The following MYO18B variants were observed in gnomAD, a reference collection of about 807,000 sequenced individuals.
MYO18B encodes unconventional myosin-XVIIIb.
In MYO18B, 204 loss-of-function variants were observed where a neutral mutation model predicts 273.0. The observed-to-expected ratio is 0.75, with a 90% CI of 0.67 to 0.84. The LOEUF is 0.84. Ranked by LOEUF, MYO18B falls within the 40% of genes least tolerant of loss-of-function variation. MYO18B has a pLI of 0.00. For missense variants in MYO18B, 3,212 were observed against 3,287.6 expected, an observed-to-expected ratio of 0.98 and a Z score of 0.56; for synonymous variants, 1,330 against 1,305.7, an observed-to-expected ratio of 1.02 and a Z score of -0.40.
chr22:25,886,296 A>G (rs963892360), intron 25 of MYO18B, among the ~76,000 whole-genome samples: 2 of 152,234 alleles, frequency 1.3e-5, no homozygotes, highest in African/African-American at 4.8e-5. Context: ...CTGGTGTCCA[A>G]CAGGCATCTC....
At chr22:26,056,644 C>T in the MYO18B span, among the ~76,000 whole-genome samples, 3 of 152,204 alleles carry the variant, frequency 2.0e-5, no homozygotes, top group Non-Finnish European at 4.4e-5. Flanking sequence ...CTGCCAACAA[C>T]AACATCCACT....
Position 25,921,259 on chromosome 22 carries a change from T to A in MYO18B, c.5367T>A (p.Ile1789=). 1 of 1,550,764 alleles carries A rather than the reference T, an allele frequency of 6.4e-7. No individual in the cohort carries two copies. Among genetic ancestry groups the A allele is most frequent in the Non-Finnish European group, 8.7e-7 (1 of 1,145,890 alleles). ...EGLIGTLCDQ[I]GHRDFDVEKR... is the part of the protein sequence containing the mutation. ...ATGGGTCTCCCTTTGGCTTTCAGAT[T>A]GGCCATCGGGACTTTGATGTGGAGA... is the stretch of plus-strand genomic sequence containing the variant. The change falls in exon 34 of 44, where the codon ATT becomes ATA. Residue 1789 remains isoleucine, a splice_region_variant and synonymous_variant. Coordinates refer to ENST00000335473, the MANE Select transcript of MYO18B (RefSeq NM_032608.7).
At chr22:25,907,762 C>T (rs11914063) in intron 31 of MYO18B, among the ~76,000 whole-genome samples, 5,422 of 152,098 alleles carry the variant, frequency 0.036, 335 homozygotes, top group African/African-American at 0.12. Flanking sequence ...GGGCCGGGCC[C>T]GGTGGCTCAC....
intron 39 of MYO18B, among the ~76,000 whole-genome samples, chr22:25,989,040 G>A (rs73883007): frequency 0.038 from 5,740 of 152,224 alleles, 376 homozygotes; most frequent in African/African-American, 0.13. Flanking sequence ...GAGACACTGT[G>A]CCTCTTTCTG....
intron 39 of MYO18B, among the ~76,000 whole-genome samples, chr22:25,985,614 T>C (rs2093193448): frequency 6.6e-6 from 1 of 152,046 alleles, no homozygotes; most frequent in African/African-American, 2.4e-5. Flanking sequence ...TGGAACACAA[T>C]TCACAGGGCG....
At chr22:25,744,664 G>A (rs952197777) in intron 1 of MYO18B, among the ~76,000 whole-genome samples, 1 of 152,172 alleles carries the variant, frequency 6.6e-6, no homozygotes, top group Admixed American at 6.5e-5. Context: ...AACCTGGGAG[G>A]TGGAGCTTGC....
chr22:25,808,505 C>T (rs1027957746), intron 12 of MYO18B, among the ~76,000 whole-genome samples: 11 of 152,172 alleles, frequency 7.2e-5, no homozygotes, highest in African/African-American at 2.7e-4. Flanking sequence ...TTGCTCTTCT[C>T]CACTACAAGG....
At chr22:25,995,805 C>G (rs1443714238) in intron 40 of MYO18B, among the ~76,000 whole-genome samples, 1 of 152,200 alleles carries the variant, frequency 6.6e-6, no homozygotes, top group Non-Finnish European at 1.5e-5. Context: ...TGAATTCTTT[C>G]TTTCTCACTT....
At chr22:26,021,267 G>GAAGC (rs1405891059) in intron 42 of MYO18B, among the ~76,000 whole-genome samples, 3 of 152,100 alleles carry the variant, frequency 2.0e-5, no homozygotes, top group Non-Finnish European at 2.9e-5. Context: ...TCTATAACTT[G>GAAGC]AAGCAACCCA....
chr22:25,760,913 G>A (rs954568613), intron 1 of MYO18B, 71 bp from the exon 2 acceptor site: 3 of 664,718 alleles, frequency 4.5e-6, no homozygotes, highest in Non-Finnish European at 5.3e-6. Context: ...GTTGGTGGGG[G>A]TGGGAGTAGG....
intron 39 of MYO18B, among the ~76,000 whole-genome samples, chr22:25,957,540 C>T (rs950198631): frequency 6.6e-6 from 1 of 152,192 alleles, no homozygotes; most frequent in Non-Finnish European, 1.5e-5. Flanking sequence ...AAGGAGTGTT[C>T]GTTTCCTAGG....
At chr22:25,760,411 CAAAAAAAAA>C (rs60732274) in intron 1 of MYO18B, among the ~76,000 whole-genome samples, 1 of 61,104 alleles carries the variant, frequency 1.6e-5, no homozygotes, top group Non-Finnish European at 2.8e-5. Context: ...GACTCCATCT[CAAAAAAAAA>C]AAAAAAAAAA....
intron 25 of MYO18B, among the ~76,000 whole-genome samples, chr22:25,887,541 T>C (rs2091537437): frequency 6.6e-6 from 1 of 152,204 alleles, no homozygotes; most frequent in Non-Finnish European, 1.5e-5. Context: ...GTTTTCAAGA[T>C]AATTTCTGGT....
intron 21 of MYO18B, among the ~76,000 whole-genome samples, chr22:25,861,796 T>C (rs2090745651): frequency 1.3e-5 from 2 of 152,200 alleles, no homozygotes; most frequent in Admixed American, 1.3e-4. Context: ...TTCTACGGTT[T>C]ACAATATGTA....
Position 25,910,946 on chromosome 22 carries a change from C to A in MYO18B, c.5260C>A (p.Leu1754Ile). The A allele has an allele frequency of 6.3e-7, 1 of 1,584,948 alleles. No individual in the cohort carries two copies. The highest frequency in any genetic ancestry group is 2.3e-5 in the East Asian group (1 of 43,612). ...ATGTTTCTTCCCTGTGTATCCACAG[C>A]TTCATCAGCTGGAAATGCAGCTGGA... ...EDVRQSCQKRLHQLEMQLEQE... is the reference protein window; with the variant it reads ...EDVRQSCQKRIHQLEMQLEQE... The change falls in exon 33 of 44, where the codon CTT (leucine) becomes ATT (isoleucine). Residue 1754 changes from leucine to isoleucine, a missense_variant and splice_region_variant. Transcript: ENST00000335473.
intron 33 of MYO18B, among the ~76,000 whole-genome samples, chr22:25,919,054 C>T (rs371071448): frequency 2.6e-5 from 4 of 152,146 alleles, no homozygotes; most frequent in East Asian, 1.9e-4. Flanking sequence ...CCCCTCAACT[C>T]GGGGTTTTAT....
intron 1 of MYO18B, among the ~76,000 whole-genome samples, chr22:25,758,365 C>T (rs2086193867): frequency 6.7e-6 from 1 of 149,658 alleles, no homozygotes; most frequent in African/African-American, 2.5e-5. Context: ...TACTACCCAG[C>T]AGTTTCACTC....
chr22:25,894,980 G>A (rs145414151), intron 27 of MYO18B, 176 bp from the exon 28 acceptor site: 322 of 710,824 alleles, frequency 4.5e-4, no homozygotes, highest in African/African-American at 4.4e-3. Flanking sequence ...TGGAGGAAGC[G>A]TTATTTAAAA....
At chr22:26,021,106 A>G (rs1412496120) in intron 42 of MYO18B, among the ~76,000 whole-genome samples, 2 of 152,164 alleles carry the variant, frequency 1.3e-5, no homozygotes, top group Admixed American at 6.5e-5. Context: ...AAAGAAAAGA[A>G]AAAATACCTG....
Sources: gnomAD v4.1 joint callset for allele counts (sites outside exome capture counted in the v4.1 genomes callset) on GRCh38, gnomAD v4.1.1 for gene constraint, MANE v1.5 for transcripts, NCBI Gene and HGNC (gene_info 2026-07-23, HGNC 2026-07-21) for gene names.